XIST: variants seen among roughly 807,000 people sequenced by gnomAD.
XIST encodes the protein X inactive specific transcript, also known as X inactive specific transcript (non-protein coding).
exon 6 of XIST, chrX:73,822,322 G>A (rs749714040): frequency 3.1e-5 from 17 of 553,031 alleles, no homozygotes; most frequent in Non-Finnish European, 4.9e-5. Context: ...AGTGGTAGAA[G>A]AGATACGGAG....
exon 6 of XIST, chrX:73,826,501 C>T (rs769743004): frequency 7.2e-6 from 4 of 557,537 alleles, no homozygotes; most frequent in Non-Finnish European, 1.3e-5. Flanking sequence ...AAGACTGGCC[C>T]AGGCATAATA....
At chrX:73,851,941 A>C (rs1483407659) in exon 1 of XIST, 1 of 555,995 alleles carries the variant, frequency 1.8e-6, no homozygotes, top group African/African-American at 2.3e-5. Flanking sequence ...AAAAGTGTAG[A>C]TATTCCAGAG....
At chrX:73,851,728 C>T (rs756933945) in exon 1 of XIST, 3 of 559,114 alleles carry the variant, frequency 5.4e-6, no homozygotes, top group Admixed American at 4.4e-5. Context: ...ACATGACTTC[C>T]TCTGCCTGAC....
At chrX:73,841,881 T>C in exon 1 of XIST, 1 of 516,000 alleles carries the variant, frequency 1.9e-6, no homozygotes, top group Non-Finnish European at 3.5e-6. Context: ...TTGAAATAAG[T>C]AGGGGCAGGT....
intron 1 of XIST, among the ~76,000 whole-genome samples, chrX:73,840,640 C>T (rs774040672): frequency 6.3e-5 from 7 of 111,550 alleles, no homozygotes; most frequent in South Asian, 3.8e-4. Context: ...AAAGTATCTA[C>T]GATATGCATT....
intron 5 of XIST, chrX:73,828,786 G>A (rs943631068): frequency 1.6e-5 from 3 of 192,107 alleles, no homozygotes; most frequent in South Asian, 2.5e-4. Context: ...GCTTCTCAAC[G>A]TTTAAGGCTC....
chrX:73,850,834 ACAGCCAGATATC>A, exon 1 of XIST: 1 of 520,856 alleles, frequency 1.9e-6, no homozygotes, highest in Non-Finnish European at 3.4e-6. Context: ...TTCAGACCAC[ACAGCCAGATATC>A]CAGCACTGCA....
chrX:73,840,518 G>A (rs916674564), intron 1 of XIST, among the ~76,000 whole-genome samples: 11 of 111,680 alleles, frequency 9.8e-5, no homozygotes, highest in South Asian at 3.8e-4. Context: ...TTAGCTTTAC[G>A]AAAGGTGGGA....
intron 3 of XIST, among the ~76,000 whole-genome samples, chrX:73,831,674 A>G (rs1367960515): frequency 8.1e-5 from 9 of 111,759 alleles, no homozygotes; most frequent in Non-Finnish European, 1.9e-5. Flanking sequence ...TAATGGAAGG[A>G]GAAACTAATG....
intron 2 of XIST, chrX:73,837,432 G>C (rs1056368689): frequency 1.2e-5 from 6 of 489,511 alleles, no homozygotes; most frequent in African/African-American, 2.4e-5. Context: ...CTGAGAAACT[G>C]TCATTACCAA....
At chrX:73,845,759 A>C in exon 1 of XIST, 1 of 358,117 alleles carries the variant, frequency 2.8e-6, no homozygotes, top group Middle Eastern at 4.3e-4. Context: ...GATTGTCCAA[A>C]TGTAATGATC....
At chrX:73,828,358 A>G (rs1922311700) in intron 5 of XIST, 1 of 153,668 alleles carries the variant, frequency 6.5e-6, no homozygotes, top group Admixed American at 7.5e-5. Flanking sequence ...AGGCACTGCA[A>G]TAGGTGAGCA....
At chrX:73,821,883 T>C (rs1922128546) in exon 6 of XIST, 1 of 553,301 alleles carries the variant, frequency 1.8e-6, no homozygotes, top group Non-Finnish European at 3.3e-6. Context: ...AAAGCCCTTC[T>C]TGAGCAGATT....
At chrX:73,844,718 C>A (rs1234477621) in exon 1 of XIST, 2 of 556,727 alleles carry the variant, frequency 3.6e-6, no homozygotes, top group Non-Finnish European at 6.5e-6. Flanking sequence ...ACATAACAGG[C>A]CAGGAAAATG....
exon 6 of XIST, chrX:73,825,795 A>G (rs1478717084): frequency 3.8e-6 from 2 of 527,266 alleles, no homozygotes; most frequent in Non-Finnish European, 6.8e-6. Context: ...ATGATTGCCA[A>G]TACACTAATT....
exon 6 of XIST, chrX:73,826,613 T>C: frequency 5.4e-6 from 3 of 559,070 alleles, no homozygotes; most frequent in Non-Finnish European, 9.7e-6. Context: ...GTAAGAAGTG[T>C]AAACAATAGA....
chrX:73,848,133 CT>C (rs1430896010), exon 1 of XIST: 10 of 556,765 alleles, frequency 1.8e-5, no homozygotes, highest in Middle Eastern at 3.1e-4. Context: ...TACTGTAATG[CT>C]AAGAGGGTGT....
exon 1 of XIST, chrX:73,849,346 C>A: frequency 3.6e-6 from 2 of 558,901 alleles, no homozygotes; most frequent in Non-Finnish European, 6.5e-6. Context: ...CTGCTGAATG[C>A]AAATGGGGTT....
chrX:73,826,489 T>C (rs770767784), exon 6 of XIST: 15 of 557,524 alleles, frequency 2.7e-5, no homozygotes, highest in Non-Finnish European at 4.9e-5. Context: ...TAAAGCTGGC[T>C]CAAGACTGGC....
Sources: gnomAD v4.1 joint callset for allele counts (sites outside exome capture counted in the v4.1 genomes callset) on GRCh38, gnomAD v4.1.1 for gene constraint, MANE v1.5 for transcripts, NCBI Gene and HGNC (gene_info 2026-07-23, HGNC 2026-07-21) for gene names.